The following HPSE2 variants were observed in gnomAD, a reference collection of about 807,000 sequenced individuals.
The protein encoded by HPSE2 is inactive heparanase-2.
Under a neutral mutation model 60.5 loss-of-function variants are expected in HPSE2, and 38 were observed. The observed-to-expected ratio is 0.63, with a 90% CI of 0.48 to 0.82. HPSE2 has a LOEUF of 0.82. Ranked by LOEUF, HPSE2 falls within the 40% of genes least tolerant of loss-of-function variation. The pLI is 0.00. For missense variants in HPSE2, 713 were observed against 740.4 expected (o/e 0.96, Z 0.43); for synonymous variants, 295 against 293.2 (o/e 1.01, Z -0.06).
chr10:98,812,402 G>A (rs1035828127), intron 3 of HPSE2, among the ~76,000 whole-genome samples: 2 of 152,082 alleles, frequency 1.3e-5, no homozygotes, highest in Non-Finnish European at 2.9e-5. Context: ...GGAATCCCCT[G>A]TGAACACCTA....
rs541247072 is a variant in HPSE2, at chr10:99,131,994, C to G, written c.610+12244G>C. On this transcript the variant is annotated intron_variant, in intron 3 of 11. Transcript: ENST00000370552. ...AGATGTGGTGGCACATGCTTGTAATCCCAGCTACTCAGGAGGCTGAAGCAA... is the reference window on the plus strand; with the variant it reads ...AGATGTGGTGGCACATGCTTGTAATGCCAGCTACTCAGGAGGCTGAAGCAA... Among the ~76,000 whole-genome samples the G allele has an allele frequency of 2.0e-4, 30 of 151,676 alleles. No homozygotes were observed. In the East Asian group the frequency reaches 5.6e-3, roughly 28 times the overall value.
In HPSE2 at chr10:98,828,828, T is replaced by C. The variant is rs528016451; in HGVS notation, c.611-84772A>G. ...CAAAAAATTAAAATTAGAATTACCA[T>C]ATGATCCAGCAATTCCATTTCTGAC... On this transcript the variant is annotated intron_variant, in intron 3 of 11. Transcript: ENST00000370552. 1.1e-4 allele frequency among the ~76,000 whole-genome samples: 17 copies of C among 152,308 alleles called. 1 individual carries two copies. The East Asian group carries it at 3.1e-3, about 28-fold the overall frequency.
chr10:98,725,437 T>C (rs1162077783), intron 4 of HPSE2, among the ~76,000 whole-genome samples: 1 of 152,200 alleles, frequency 6.6e-6, no homozygotes, highest in Non-Finnish European at 1.5e-5. Flanking sequence ...GCTAGCCTTA[T>C]GTAGAAAGCT....
At chr10:98,584,233 T>G (rs1308808587) in intron 9 of HPSE2, among the ~76,000 whole-genome samples, 1 of 152,126 alleles carries the variant, frequency 6.6e-6, no homozygotes, top group East Asian at 1.9e-4. Context: ...GCATAAAACA[T>G]ACATTAACTC....
chr10:98,485,618 G>A (rs945095331), intron 10 of HPSE2, among the ~76,000 whole-genome samples: 6 of 152,182 alleles, frequency 3.9e-5, no homozygotes, highest in East Asian at 1.9e-4. Flanking sequence ...GAAGAACATC[G>A]ACTCTATCCC....
intron 2 of HPSE2, among the ~76,000 whole-genome samples, chr10:99,184,813 TATATATAGAGAGAGAG>T (rs1170185527): frequency 5.5e-4 from 17 of 30,968 alleles, no homozygotes; most frequent in African/African-American, 1.1e-3. Flanking sequence ...TATATATATA[TATATATAGAGAGAGAG>T]AGAGAGAGAG....
intron 2 of HPSE2, among the ~76,000 whole-genome samples, chr10:99,207,031 T>C (rs1014129077): frequency 1.3e-5 from 2 of 152,114 alleles, no homozygotes; most frequent in Non-Finnish European, 1.5e-5. Context: ...TAGAGAAAGA[T>C]ATAAATATCC....
intron 9 of HPSE2, among the ~76,000 whole-genome samples, chr10:98,567,909 C>T (rs888459771): frequency 2.6e-5 from 4 of 152,092 alleles, no homozygotes; most frequent in African/African-American, 4.8e-5. Context: ...ACAGCTGAGC[C>T]AGCAGGATCC....
At chr10:98,751,943 T>G (rs1473033911) in intron 3 of HPSE2, among the ~76,000 whole-genome samples, 2 of 152,212 alleles carry the variant, frequency 1.3e-5, no homozygotes, top group African/African-American at 4.8e-5. Flanking sequence ...TGTGGAAAGA[T>G]TTTTTAAAAA....
rs913320704 is a variant in HPSE2 at position 98,902,684 on chromosome 10, T to C, written c.611-158628A>G. 2.0e-5 allele frequency among the ~76,000 whole-genome samples: 3 copies of C among 152,180 alleles called. No individual in the cohort carries two copies. The East Asian group carries it at 5.8e-4, about 29-fold the overall frequency. The stretch of plus-strand genomic sequence containing the variant: ...GCATTTAGTGAACATATACTGATTT[T>C]TGGTGCATTTAATTGTATGCAAACT... On this transcript the variant is annotated intron_variant, in intron 3 of 11. Coordinates refer to ENST00000370552, the MANE Select transcript of HPSE2 (RefSeq NM_021828.5).
Position 98,608,447 on chromosome 10 carries a change from T to C in HPSE2, c.1320+6457A>G, listed in dbSNP as rs191977359. Among the ~76,000 whole-genome samples, 881 of 152,260 alleles carry C rather than the reference T, an allele frequency of 5.8e-3. 6 individuals carry two copies. The highest frequency in any genetic ancestry group is 0.02 in the African/African-American group (841 of 41,540). ...TAAATAAGCAAGGGAGAACTCCTAG[T>C]AGAAAATCAGAGGAACGTCTACGTG... On this transcript the variant is annotated intron_variant, in intron 9 of 11. Coordinates refer to ENST00000370552, the MANE Select transcript of HPSE2 (RefSeq NM_021828.5).
In HPSE2 at chr10:98,575,861, C is replaced by T. The variant is rs541473066; in HGVS notation, c.1320+39043G>A. Among the ~76,000 whole-genome samples the T allele has an allele frequency of 8.5e-5, 13 of 152,200 alleles. No individual in the cohort carries two copies. In the East Asian group the frequency reaches 2.3e-3, roughly 27 times the overall value. On this transcript the variant is annotated intron_variant, in intron 9 of 11. Transcript: ENST00000370552. The stretch of plus-strand genomic sequence containing the variant: ...CTAAACTTTTTCTTGTCATTTTTAA[C>T]TGTATGTTTGAGTTAAATTCACCTG...
intron 3 of HPSE2, among the ~76,000 whole-genome samples, chr10:98,997,061 C>T (rs1395368090): frequency 6.7e-6 from 1 of 150,332 alleles, no homozygotes; most frequent in Non-Finnish European, 1.5e-5. Context: ...GTATTTATTC[C>T]TTTTTATTTC....
chr10:99,076,725 G>A (rs1230567277), intron 3 of HPSE2, among the ~76,000 whole-genome samples: 1 of 152,122 alleles, frequency 6.6e-6, no homozygotes, highest in East Asian at 1.9e-4. Flanking sequence ...TTTTACACTA[G>A]AGTTAAAAGT....
rs1369981022 is a variant in HPSE2, at chr10:98,734,925, A to C, written c.784+8958T>G. ...CACACACACACAAACACACACAAAC[A>C]CACACAATTTCCCATTATTATCTTG... On this transcript the variant is annotated intron_variant, in intron 4 of 11. Transcript: ENST00000370552. Among the ~76,000 whole-genome samples the C allele has an allele frequency of 2.0e-4, 30 of 150,798 alleles. No homozygotes were observed. In the Admixed American group the frequency reaches 2.0e-3, roughly 10 times the overall value.
At chr10:99,173,609 A>T (rs1251952102) in intron 2 of HPSE2, among the ~76,000 whole-genome samples, 1 of 152,146 alleles carries the variant, frequency 6.6e-6, no homozygotes, top group Admixed American at 6.5e-5. Context: ...GGTCTGTAAA[A>T]CTTATAACTC....
intron 2 of HPSE2, among the ~76,000 whole-genome samples, chr10:99,188,728 T>TA (rs1360083501): frequency 6.6e-6 from 1 of 152,184 alleles, no homozygotes; most frequent in Non-Finnish European, 1.5e-5. Context: ...GAAGGCAGGA[T>TA]AAATGTGAGA....
intron 3 of HPSE2, among the ~76,000 whole-genome samples, chr10:98,883,608 C>T (rs367840211): frequency 6.6e-6 from 1 of 151,992 alleles, no homozygotes; most frequent in South Asian, 2.1e-4. Flanking sequence ...AGTTCAAACC[C>T]AGCCTGGGCA....
chr10:98,886,742 G>A lies in HPSE2; in HGVS notation c.611-142686C>T, dbSNP rs528376169. Among the ~76,000 whole-genome samples the A allele has an allele frequency of 4.6e-5, 7 of 152,198 alleles. No individual in the cohort carries two copies. In the South Asian group the frequency reaches 8.3e-4, roughly 18 times the overall value. On this transcript the variant is annotated intron_variant, in intron 3 of 11. Coordinates refer to ENST00000370552, the MANE Select transcript of HPSE2 (RefSeq NM_021828.5). The stretch of plus-strand genomic sequence containing the variant: ...AGTGGAGATAAAAATTGAGAGAATC[G>A]GAAAAGCATAAGACAAGAACAGAGT...
Sources: allele counts gnomAD v4.1 joint callset (sites outside exome capture counted in the v4.1 genomes callset), GRCh38; gene constraint gnomAD v4.1.1; transcripts MANE v1.5; gene names NCBI Gene and HGNC (gene_info 2026-07-23, HGNC 2026-07-21).